The following CEP85L variants were observed in gnomAD, a reference collection of about 807,000 sequenced individuals.
CEP85L encodes centrosomal protein of 85 kDa-like.
A neutral mutation model predicts 100.3 loss-of-function variants in CEP85L; 60 were observed. The ratio of observed to expected loss-of-function variants is 0.60; its 90% CI spans 0.49 to 0.74. The LOEUF (loss-of-function observed/expected upper bound fraction) is 0.74. Ranked by LOEUF, CEP85L falls within the 30% of genes least tolerant of loss-of-function variation. The pLI is 0.00. For missense variants in CEP85L, 973 were observed against 936.2 expected (o/e 1.04, Z -0.51); for synonymous variants, 319 against 322.7 (o/e 0.99, Z 0.12).
At position 118,600,314 on chromosome 6, in the gene CEP85L, T is replaced by G. The variant is rs1169523663; in HGVS notation, c.232+32139A>C. ...GCCTTCCTGGGGGTGTGTGTGTGTG[T>G]GTGTGTGTGTGTGTGTGTGTGTGTG... On this transcript the variant is annotated intron_variant, in intron 2 of 12. Coordinates refer to ENST00000368491, the MANE Select transcript of CEP85L (RefSeq NM_001042475.3). Among the ~76,000 whole-genome samples, 118 of 83,756 alleles carry G rather than the reference T, an allele frequency of 1.4e-3. 2 individuals carry two copies. The highest frequency in any genetic ancestry group is 1.9e-3 in the Admixed American group (17 of 8,876). The allele number at this position is 83,756 out of a possible 152,430, so 54.9% of individuals were successfully genotyped here.
intron 2 of CEP85L, among the ~76,000 whole-genome samples, chr6:118,577,285 T>C (rs1780297783): frequency 6.6e-6 from 1 of 152,204 alleles, no homozygotes; most frequent in East Asian, 1.9e-4. Context: ...AGTGGACCAC[T>C]ATTGGATACT....
At chr6:118,591,343 C>T (rs1201662480) in intron 2 of CEP85L, among the ~76,000 whole-genome samples, 6 of 152,124 alleles carry the variant, frequency 3.9e-5, no homozygotes, top group Admixed American at 6.5e-5. Context: ...GGCCCCCTCC[C>T]ACCCTGCCTT....
chr6:118,523,915 CA>C lies in CEP85L; in HGVS notation c.1025del (p.Leu342Ter). The C allele has an allele frequency of 6.6e-7, 1 of 1,506,516 alleles. No homozygotes were observed. 93.3% of individuals were successfully genotyped at this position (1,506,516 alleles called of 1,614,324 possible). ...AATAACTTTGACGAGATGATCCAGTCAAAACCTGCAGAAACATGTTTACACA... is the reference window on the plus strand; with the variant it reads ...AATAACTTTGACGAGATGATCCAGTCAAACCTGCAGAAACATGTTTACACA... The part of the protein sequence containing the change: ...RQGSETPMQV[L>X]TGSSRQSYSP... On this transcript the variant is annotated frameshift_variant, in exon 4 of 13. Coordinates refer to ENST00000368491, the MANE Select transcript of CEP85L (RefSeq NM_001042475.3). LOFTEE classifies it high-confidence loss of function.
At chr6:118,672,682 C>G (rs942379749) in intron 1 of CEP85L, among the ~76,000 whole-genome samples, 1 of 152,170 alleles carries the variant, frequency 6.6e-6, no homozygotes, top group African/African-American at 2.4e-5. Context: ...AGGAGAATCA[C>G]TTGAGCCTGG....
chr6:118,639,356 C>T (rs11153767), intron 1 of CEP85L, among the ~76,000 whole-genome samples: 70,787 of 151,996 alleles, frequency 0.47, 16,981 homozygotes, highest in Middle Eastern at 0.57. Context: ...GAGCCCCTTA[C>T]GGCATATTAA....
At position 118,709,715 on chromosome 6, in the gene CEP85L, T is replaced by A. The variant is rs1217793298; in HGVS notation, c.-28+321A>T. On this transcript the variant is annotated intron_variant, in intron 1 of 13. Transcript: ENST00000368488. ...CAGTAAATGCAGAGTAACAGTCATTTCTAAAACAAAGATAAAACACTCCAA... is the reference window on the plus strand; with the variant it reads ...CAGTAAATGCAGAGTAACAGTCATTACTAAAACAAAGATAAAACACTCCAA... Among the ~76,000 whole-genome samples, 3 of 152,110 alleles carry A rather than the reference T, an allele frequency of 2.0e-5. No homozygotes were observed. In the East Asian group the frequency reaches 5.8e-4, roughly 29 times the overall value.
chr6:118,615,868 G>A (rs1773004199), intron 2 of CEP85L, among the ~76,000 whole-genome samples: 1 of 152,202 alleles, frequency 6.6e-6, no homozygotes, highest in Non-Finnish European at 1.5e-5. Context: ...ACTTCGCAGT[G>A]ATAGAACGAC....
At chr6:118,524,106 T>G (rs1420886095) in intron 3 of CEP85L, among the ~76,000 whole-genome samples, 186 bp from the exon 4 acceptor site, 1 of 152,098 alleles carries the variant, frequency 6.6e-6, no homozygotes. Flanking sequence ...CTAAAGGAAA[T>G]GTATACATCT....
chr6:118,543,981 T>C (rs1386718533), intron 3 of CEP85L, among the ~76,000 whole-genome samples: 1 of 152,140 alleles, frequency 6.6e-6, no homozygotes, highest in Non-Finnish European at 1.5e-5. Context: ...ACAATCTGCA[T>C]TTGGTTTCTA....
At chr6:118,635,094 G>A (rs1462018195) in intron 1 of CEP85L, among the ~76,000 whole-genome samples, 3 of 152,144 alleles carry the variant, frequency 2.0e-5, no homozygotes, top group Non-Finnish European at 4.4e-5. Flanking sequence ...CTGGAAAGTG[G>A]TATCTAAATG....
At chr6:118,503,414 T>C (rs1775433695) in intron 5 of CEP85L, among the ~76,000 whole-genome samples, 1 of 152,198 alleles carries the variant, frequency 6.6e-6, no homozygotes, top group East Asian at 1.9e-4. Flanking sequence ...TCCTAGCTTA[T>C]TACTTAGTAG....
chr6:118,689,848 C>G (rs1291650941), intron 1 of CEP85L, among the ~76,000 whole-genome samples: 1 of 151,672 alleles, frequency 6.6e-6, no homozygotes, highest in Non-Finnish European at 1.5e-5. Context: ...TTATCTTCCC[C>G]CCTTCAGTGG....
intron 3 of CEP85L, among the ~76,000 whole-genome samples, chr6:118,554,058 C>T (rs1778702549): frequency 6.6e-6 from 1 of 152,108 alleles, no homozygotes; most frequent in African/African-American, 2.4e-5. Context: ...CACTTGTAAT[C>T]CCAGGAATTA....
intron 5 of CEP85L, among the ~76,000 whole-genome samples, chr6:118,505,909 T>C (rs1224814050): frequency 6.6e-6 from 1 of 152,140 alleles, no homozygotes; most frequent in Non-Finnish European, 1.5e-5. Context: ...GGTGTGTCAA[T>C]ATAGGTTCAC....
At chr6:118,590,044 TACACACACACACACAC>T (rs58587419) in intron 2 of CEP85L, among the ~76,000 whole-genome samples, 4 of 150,214 alleles carry the variant, frequency 2.7e-5, no homozygotes, top group African/African-American at 9.8e-5. Flanking sequence ...TCTCTGCATT[TACACACACACACACAC>T]ACACACACAT....
chr6:118,652,926 C>T (rs1304165297), upstream of CEP85L: 2 of 530,918 alleles, frequency 3.8e-6, no homozygotes, highest in Non-Finnish European at 6.6e-6. Context: ...TTTTTAAGTC[C>T]CAAAAAGAAA....
chr6:118,481,707 ATTAAT>A (rs1325050674), intron 8 of CEP85L, 67 bp downstream of exon 8: 83 of 902,856 alleles, frequency 9.2e-5, no homozygotes, highest in Admixed American at 1.8e-4. Flanking sequence ...AAAATTATAA[ATTAAT>A]TTAAGTAAAA....
intron 2 of CEP85L, among the ~76,000 whole-genome samples, chr6:118,631,425 C>CT (rs1259033790): frequency 6.6e-6 from 1 of 152,142 alleles, no homozygotes; most frequent in Non-Finnish European, 1.5e-5. Flanking sequence ...TCTTTAAAAT[C>CT]TAAATATGCT....
At chr6:118,469,997 A>G (rs1191241696) in intron 11 of CEP85L, among the ~76,000 whole-genome samples, 1 of 152,184 alleles carries the variant, frequency 6.6e-6, no homozygotes, top group Non-Finnish European at 1.5e-5. Context: ...TGTTAGTAGC[A>G]ATAGTGGTTT....
Sources: allele counts gnomAD v4.1 joint callset (sites outside exome capture counted in the v4.1 genomes callset), GRCh38; gene constraint gnomAD v4.1.1; transcripts MANE v1.5; gene names NCBI Gene and HGNC (gene_info 2026-07-23, HGNC 2026-07-21).